The following IPCEF1 variants were observed in gnomAD, a reference collection of about 807,000 sequenced individuals.
IPCEF1 encodes interaction protein for cytohesin exchange factors 1, also known as interactor protein for cytohesin exchange factors 1.
Under a neutral mutation model 50.9 loss-of-function variants are expected in IPCEF1, and 31 were observed. That is an observed-to-expected ratio of 0.61 (90% CI 0.46 to 0.82). IPCEF1 has a LOEUF of 0.82. Among genes scored for constraint, IPCEF1 ranks in the 40% least tolerant of loss-of-function variants. The pLI is 0.00. For missense variants in IPCEF1, 458 were observed against 514.0 expected, an observed-to-expected ratio of 0.89 and a Z score of 1.05; for synonymous variants, 181 against 192.0, an observed-to-expected ratio of 0.94 and a Z score of 0.47.
At chr6:154,180,410 ATATATT>A (rs1285199447) in intron 10 of IPCEF1, among the ~76,000 whole-genome samples, 2 of 40,418 alleles carry the variant, frequency 4.9e-5, no homozygotes, top group Non-Finnish European at 9.8e-5. Flanking sequence ...ATATATATAT[ATATATT>A]TTTTTTTTAA....
chr6:154,222,451 G>C (rs1241946469), intron 6 of IPCEF1, among the ~76,000 whole-genome samples: 1 of 152,222 alleles, frequency 6.6e-6, no homozygotes, highest in Non-Finnish European at 1.5e-5. Context: ...GACTGGAAAA[G>C]ATGTCAAAGG....
At chr6:154,228,330 G>A (rs999011197) in intron 5 of IPCEF1, among the ~76,000 whole-genome samples, 21 of 151,984 alleles carry the variant, frequency 1.4e-4, no homozygotes, top group African/African-American at 4.8e-4. Flanking sequence ...GTTTCCTCCA[G>A]GTTCTATGCT....
chr6:154,168,989 CA>C lies in IPCEF1; in HGVS notation c.911-877del, dbSNP rs1382866049. ...CCTAAATTCATGTGTTTCTCACGTG[CA>C]ATATATTCACCTCATCCCAACAACT... On this transcript the variant is annotated intron_variant, in intron 10 of 11. Transcript: ENST00000367220. The surrounding 1 kb of genome is among the most constrained non-coding windows in gnomAD (Gnocchi z 4.1). Among the ~76,000 whole-genome samples, 1 of 151,734 alleles carries C rather than the reference CA, an allele frequency of 6.6e-6. No individual in the cohort carries two copies. The highest frequency in any genetic ancestry group is 1.9e-4 in the East Asian group (1 of 5,138).
At chr6:154,261,403 C>T (rs1271311293) in intron 3 of IPCEF1, among the ~76,000 whole-genome samples, 1 of 152,178 alleles carries the variant, frequency 6.6e-6, no homozygotes, top group East Asian at 1.9e-4. Context: ...ATCAGACTTC[C>T]ATTTAAGAAA....
chr6:154,321,943 C>T (rs1035955550), intron 1 of IPCEF1, among the ~76,000 whole-genome samples: 9 of 151,998 alleles, frequency 5.9e-5, no homozygotes, highest in Non-Finnish European at 1.0e-4. Flanking sequence ...CAGGATCTCT[C>T]ATGAACATGG....
At chr6:154,241,113 G>A (rs1780544681) in intron 5 of IPCEF1, among the ~76,000 whole-genome samples, 1 of 151,818 alleles carries the variant, frequency 6.6e-6, no homozygotes, top group South Asian at 2.1e-4. Context: ...GTGCACGCCT[G>A]TAATCCCAGC....
intron 9 of IPCEF1, among the ~76,000 whole-genome samples, chr6:154,209,247 T>C (rs1232342785): frequency 1.3e-5 from 2 of 152,196 alleles, no homozygotes; most frequent in Non-Finnish European, 2.9e-5. Context: ...CAAAATAAAA[T>C]TTTAACCAAA....
chr6:154,294,595 G>A (rs529243562), intron 1 of IPCEF1, among the ~76,000 whole-genome samples: 4 of 152,312 alleles, frequency 2.6e-5, no homozygotes, highest in African/African-American at 9.6e-5. Flanking sequence ...GCAGAGCGGA[G>A]GATTCTGGCT....
chr6:154,318,621 G>A (rs2128685518), intron 1 of IPCEF1, among the ~76,000 whole-genome samples: 1 of 151,536 alleles, frequency 6.6e-6, no homozygotes, highest in South Asian at 2.1e-4. Context: ...GGAGGCCAAG[G>A]TGGGTAGATT....
intron 1 of IPCEF1, among the ~76,000 whole-genome samples, chr6:154,320,666 C>T (rs777503534): frequency 2.6e-5 from 4 of 152,136 alleles, no homozygotes; most frequent in Non-Finnish European, 4.4e-5. Flanking sequence ...AAGGATTGAA[C>T]GTACCAATTG....
rs1406638994 is a variant in IPCEF1, at chr6:154,356,792, C to T, written c.-182G>A. 6.6e-6 allele frequency: 1 copy of T among 152,220 alleles called. No individual in the cohort carries two copies. Among genetic ancestry groups the T allele is most frequent in the Non-Finnish European group, 1.5e-5 (1 of 68,038 alleles). 9.4% of individuals were successfully genotyped at this position (152,220 alleles called of 1,614,324 possible). ...GCAGCCTCAGCTCTGGAAACTCAGT[C>T]AACCCAGAACTAACATTCAAAGCTG... On this transcript the variant is annotated 5_prime_UTR_variant, in exon 1 of 12. Transcript: ENST00000367220.
intron 10 of IPCEF1, among the ~76,000 whole-genome samples, chr6:154,171,734 G>A (rs1287740244): frequency 1.3e-5 from 2 of 152,216 alleles, no homozygotes; most frequent in African/African-American, 4.8e-5. Context: ...GGTCAAGCTG[G>A]AGACACTGGA....
intron 1 of IPCEF1, among the ~76,000 whole-genome samples, chr6:154,352,271 T>C (rs1784131816): frequency 6.6e-6 from 1 of 152,260 alleles, no homozygotes; most frequent in Non-Finnish European, 1.5e-5. Flanking sequence ...GGTTTTTTAT[T>C]CAGCATTCCA....
chr6:154,167,191 G>A (rs1799508807), intron 11 of IPCEF1, among the ~76,000 whole-genome samples: 2 of 152,178 alleles, frequency 1.3e-5, no homozygotes, highest in South Asian at 4.1e-4. Context: ...GCTAAATCAG[G>A]AGCATTTTAC....
In IPCEF1 at chr6:154,196,733, C is replaced by T. The variant is rs570696695; in HGVS notation, c.910+2935G>A. 2.8e-4 allele frequency among the ~76,000 whole-genome samples: 42 copies of T among 152,350 alleles called. No individual in the cohort carries two copies. The South Asian group carries it at 8.5e-3, about 31-fold the overall frequency. ...AATGAACATGTCATTAACCCTCTCA[C>T]CTCTTTTCCCATTATGCTTTGTGAA... On this transcript the variant is annotated intron_variant, in intron 10 of 11. Transcript: ENST00000367220.
At chr6:154,160,685 CA>C (rs1798937214) in intron 11 of IPCEF1, among the ~76,000 whole-genome samples, 1 of 152,118 alleles carries the variant, frequency 6.6e-6, no homozygotes, top group Admixed American at 6.5e-5. Flanking sequence ...ATGTCTAGCT[CA>C]GGTTAGAGTT....
chr6:154,356,111 A>G (rs2128703708), intron 1 of IPCEF1, among the ~76,000 whole-genome samples: 1 of 152,320 alleles, frequency 6.6e-6, no homozygotes, highest in South Asian at 2.1e-4. Context: ...ATAATTAAAT[A>G]CTTTCACATA....
chr6:154,186,706 G>A (rs1180400094), intron 10 of IPCEF1, among the ~76,000 whole-genome samples: 2 of 151,932 alleles, frequency 1.3e-5, no homozygotes, highest in African/African-American at 2.4e-5. Context: ...ACAGGCGCCC[G>A]CCATCACGCC....
At chr6:154,328,297 G>C (rs1229239798) in intron 1 of IPCEF1, among the ~76,000 whole-genome samples, 1 of 152,202 alleles carries the variant, frequency 6.6e-6, no homozygotes, top group Non-Finnish European at 1.5e-5. Context: ...CGTGGCTGAT[G>C]AACACTAGGC....
Sources: gnomAD v4.1 joint callset for allele counts (sites outside exome capture counted in the v4.1 genomes callset) on GRCh38, gnomAD v4.1.1 for gene constraint, Gnocchi (gnomAD v3.1) non-coding constraint, MANE v1.5 for transcripts, NCBI Gene and HGNC (gene_info 2026-07-23, HGNC 2026-07-21) for gene names.